MDGA1: variants seen among roughly 807,000 people sequenced by gnomAD.
MDGA1 encodes MAM domain containing glycosylphosphatidylinositol anchor 1, also known as MAM domain-containing glycosylphosphatidylinositol anchor protein 1.
In MDGA1, 54 loss-of-function variants were observed where a neutral mutation model predicts 101.5. The ratio of observed to expected loss-of-function variants is 0.53; its 90% CI spans 0.43 to 0.67. MDGA1 has a LOEUF of 0.67. Ranked by LOEUF, MDGA1 falls within the 30% of genes least tolerant of loss-of-function variation. The pLI is 0.00. For synonymous variants in MDGA1, 533 were observed against 558.3 expected (o/e 0.95, Z 0.64); for missense variants, 1,083 against 1,323.8 (o/e 0.82, Z 2.82).
rs1000879669 is a variant in MDGA1 at position 37,634,655 on chromosome 6, G to T, written c.*2713C>A. 6.6e-6 allele frequency: 1 copy of T among 152,638 alleles called. No homozygotes were observed. The highest frequency in any genetic ancestry group is 2.4e-5 in the African/African-American group (1 of 41,356). The allele number at this position is 152,638 out of a possible 1,614,324, so 9.5% of individuals were successfully genotyped here. On this transcript the variant is annotated 3_prime_UTR_variant, in exon 17 of 17. Coordinates refer to ENST00000434837, the MANE Select transcript of MDGA1 (RefSeq NM_153487.4). This position sits in a 1 kb window ranked among gnomAD's most constrained non-coding sequence, Gnocchi z 4.7. Reference sequence around the variant, plus strand: ...CCACATCAGCCTCACCCATTCACACGTGGGGACCTCAGCATTTCAGCAGAC... The same window carrying T: ...CCACATCAGCCTCACCCATTCACACTTGGGGACCTCAGCATTTCAGCAGAC...
At position 37,655,745 on chromosome 6, in the gene MDGA1, G is replaced by A; in HGVS notation, c.534C>T (p.His178=). Residue 178 remains histidine (H), a synonymous_variant, in exon 4 of 17, where the codon CAC becomes CAT. Coordinates refer to ENST00000434837, the MANE Select transcript of MDGA1 (RefSeq NM_153487.4). The surrounding 1 kb of genome is among the most constrained non-coding windows in gnomAD (Gnocchi z 5.1). The part of the protein sequence containing the change: ...IWKRGSDTLS[H]SQDNGVDIYE... ...AGATGTCAACCCCATTGTCCTGGCT[G>A]TGGGATAGGGTATCGGAACCCCGCT... The A allele has an allele frequency of 6.2e-7, 1 of 1,613,222 alleles. No homozygotes were observed. Among genetic ancestry groups the A allele is most frequent in the Non-Finnish European group, 8.5e-7 (1 of 1,179,566 alleles).
At chr6:37,649,411 T>A in intron 8 of MDGA1, 145 bp from the exon 9 acceptor site, 2 of 1,347,698 alleles carry the variant, frequency 1.5e-6, no homozygotes, top group East Asian at 2.9e-5. Flanking sequence ...TCGCAACACA[T>A]CCCTCCAATG....
chr6:37,648,977 C>G lies in MDGA1; in HGVS notation c.1894+5G>C, dbSNP rs1761285831. Reference sequence around the variant, plus strand: ...TAGGTGGGGCGGGACCCACTGGACGCTCACCGGAGACCTGGAAGAGGCAGG... The same window carrying G: ...TAGGTGGGGCGGGACCCACTGGACGGTCACCGGAGACCTGGAAGAGGCAGG... On this transcript the variant is annotated splice_donor_5th_base_variant and intron_variant, in intron 9 of 16. Transcript: ENST00000434837. 1 of 1,551,598 alleles carries G rather than the reference C, an allele frequency of 6.4e-7. No individual in the cohort carries two copies. The highest frequency in any genetic ancestry group is 8.7e-7 in the Non-Finnish European group (1 of 1,149,192).
Position 37,696,250 on chromosome 6 carries a change from C to A in MDGA1, c.67+495G>T, listed in dbSNP as rs1238866156. Among the ~76,000 whole-genome samples, 1 of 152,196 alleles carries A rather than the reference C, an allele frequency of 6.6e-6. No individual in the cohort carries two copies. The highest frequency in any genetic ancestry group is 1.5e-5 in the Non-Finnish European group (1 of 68,026). On this transcript the variant is annotated intron_variant, in intron 1 of 16. Transcript: ENST00000434837. The surrounding 1 kb of genome is among the most constrained non-coding windows in gnomAD (Gnocchi z 5.6). ...CGGCATCCTGATCAGGGTGTCAAGC[C>A]CTGAGTAGAAGAAGCGAAGCCGCAG...
intron 8 of MDGA1, 106 bp from the exon 9 acceptor site, chr6:37,649,372 C>T: frequency 7.2e-7 from 1 of 1,387,268 alleles, no homozygotes; most frequent in Non-Finnish European, 9.3e-7. Context: ...TGAGCCCCCG[C>T]CAGGAAAAAT....
chr6:37,681,076 C>T, intron 1 of MDGA1, among the ~76,000 whole-genome samples: 1 of 152,114 alleles, frequency 6.6e-6, no homozygotes, highest in Non-Finnish European at 1.5e-5. Flanking sequence ...GGGTCTGGGC[C>T]CAGCTCTGGC....
intron 7 of MDGA1, among the ~76,000 whole-genome samples, chr6:37,651,119 A>G (rs954537625): frequency 2.0e-5 from 3 of 152,246 alleles, no homozygotes; most frequent in African/African-American, 4.8e-5. Context: ...GACTTGGTGG[A>G]GCAGAGCCCC....
At chr6:37,654,200 C>T in intron 6 of MDGA1, 74 bp downstream of exon 6, 1 of 1,453,994 alleles carries the variant, frequency 6.9e-7, no homozygotes, top group Non-Finnish European at 9.1e-7. Flanking sequence ...TTTCCTAGTT[C>T]ATTGGTAGCT....
At position 37,635,231 on chromosome 6, in the gene MDGA1, A is replaced by G; in HGVS notation, c.*2137T>C. ...GTGGTTCTATTCTGCAGGCAAGGCC[A>G]GGAACCACTGATTACAGAATCCATT... is the stretch of plus-strand genomic sequence containing the variant. On this transcript the variant is annotated 3_prime_UTR_variant, in exon 17 of 17. Coordinates refer to ENST00000434837, the MANE Select transcript of MDGA1 (RefSeq NM_153487.4). 1 of 385,430 alleles carries G rather than the reference A, an allele frequency of 2.6e-6. No homozygotes were observed. The highest frequency in any genetic ancestry group is 4.5e-5 in the Admixed American group (1 of 22,280). 23.9% of individuals were successfully genotyped at this position (385,430 alleles called of 1,614,324 possible).
At position 37,649,174 on chromosome 6, in the gene MDGA1, G is replaced by A; in HGVS notation, c.1702C>T (p.Gln568Ter). Reference sequence around the variant, plus strand: ...CGCCACACAGCCGAGGCGATGCGCTGGGGGCTGCCTCGCAGCAGCGAGCAG... The same window carrying A: ...CGCCACACAGCCGAGGCGATGCGCTAGGGGCTGCCTCGCAGCAGCGAGCAG... ...LRCSLLRGSP[Q>*]RIASAVWRFK... is the part of the protein sequence containing the mutation. The change falls in exon 9 of 17, where the codon CAG (glutamine) becomes TAG (stop). Residue 568 changes from glutamine to a stop codon, truncating the protein, a stop_gained. Coordinates refer to ENST00000434837, the MANE Select transcript of MDGA1 (RefSeq NM_153487.4). LOFTEE classifies it high-confidence loss of function. The A allele has an allele frequency of 6.7e-7, 1 of 1,499,276 alleles. No individual in the cohort carries two copies. The highest frequency in any genetic ancestry group is 8.8e-7 in the Non-Finnish European group (1 of 1,132,494). 92.9% of individuals were successfully genotyped at this position (1,499,276 alleles called of 1,614,324 possible).
chr6:37,680,254 T>C (rs540610054), intron 1 of MDGA1, among the ~76,000 whole-genome samples: 58 of 152,270 alleles, frequency 3.8e-4, no homozygotes, highest in African/African-American at 1.2e-3. Flanking sequence ...ACCACCTCTG[T>C]GGAGGCCTGT....
chr6:37,665,191 C>T (rs1345262763), intron 1 of MDGA1, among the ~76,000 whole-genome samples: 1 of 152,110 alleles, frequency 6.6e-6, no homozygotes, highest in Non-Finnish European at 1.5e-5. Flanking sequence ...GTCCTAAAGG[C>T]AAACCAGGTC....
At position 37,637,235 on chromosome 6, in the gene MDGA1, C is replaced by T; in HGVS notation, c.*133G>A. On this transcript the variant is annotated 3_prime_UTR_variant, in exon 17 of 17. Coordinates refer to ENST00000434837, the MANE Select transcript of MDGA1 (RefSeq NM_153487.4). ...CCTTGTTCTCTGCTCATCCTTGCAGCCAATGCAGGCCCCCTCCCTGGCGGG... is the reference window on the plus strand; with the variant it reads ...CCTTGTTCTCTGCTCATCCTTGCAGTCAATGCAGGCCCCCTCCCTGGCGGG... 3.0e-6 allele frequency: 2 copies of T among 656,436 alleles called. No homozygotes were observed. Among genetic ancestry groups the T allele is most frequent in the Admixed American group, 5.4e-5 (2 of 37,040 alleles). The allele number at this position is 656,436 out of a possible 1,614,324, so 40.7% of individuals were successfully genotyped here. A position where few individuals can be genotyped will look rare whatever the true frequency, so the allele number is the denominator to read the frequency against.
rs1252007251 is a variant in MDGA1 at position 37,649,233 on chromosome 6, A to T, written c.1643T>A (p.Val548Glu). The change falls in exon 9 of 17, where the codon GTG (valine) becomes GAG (glutamate). Residue 548 changes from valine to glutamate, a missense_variant. By Grantham distance (121) the Val-to-Glu change is moderately radical. Coordinates refer to ENST00000434837, the MANE Select transcript of MDGA1 (RefSeq NM_153487.4). ...CACGGGCCGGCCCAGCGCCTGGCGC[A>T]CGTCCTGGGAACTGGGCTCCACCTC... ...PPEVEPSSQDVRQALGRPVLL... is the reference protein window; with the variant it reads ...PPEVEPSSQDERQALGRPVLL... 1 of 1,508,268 alleles carries T rather than the reference A, an allele frequency of 6.6e-7. No homozygotes were observed. The highest frequency in any genetic ancestry group is 8.8e-7 in the Non-Finnish European group (1 of 1,136,518). 93.4% of individuals were successfully genotyped at this position (1,508,268 alleles called of 1,614,324 possible).
chr6:37,682,792 T>C (rs1172408019), intron 1 of MDGA1, among the ~76,000 whole-genome samples: 1 of 152,084 alleles, frequency 6.6e-6, no homozygotes, highest in Non-Finnish European at 1.5e-5. Context: ...AAATACTGAA[T>C]TAGTTAATTA....
chr6:37,668,146 G>A (rs1761795126), intron 1 of MDGA1, among the ~76,000 whole-genome samples: 1 of 151,906 alleles, frequency 6.6e-6, no homozygotes, highest in Admixed American at 6.6e-5. Context: ...AGCTATTCAG[G>A]AGGCTGAGGC....
In MDGA1 at chr6:37,680,710, T is replaced by C. The variant is rs958463524; in HGVS notation, c.67+16035A>G. ...GGCTCTCCACACTGCACCAGCGCTTTTCAAAGGTGCCAACTCCCCTCTGGG... is the reference window on the plus strand; with the variant it reads ...GGCTCTCCACACTGCACCAGCGCTTCTCAAAGGTGCCAACTCCCCTCTGGG... On this transcript the variant is annotated intron_variant, in intron 1 of 16. Transcript: ENST00000434837. 2.6e-5 allele frequency among the ~76,000 whole-genome samples: 4 copies of C among 152,256 alleles called. No individual in the cohort carries two copies. The East Asian group carries it at 7.7e-4, about 29-fold the overall frequency.
In MDGA1 at chr6:37,647,295, C is replaced by T. The variant is rs1225027415; in HGVS notation, c.1924G>A (p.Asp642Asn). The T allele has an allele frequency of 2.6e-6, 4 of 1,550,702 alleles. No individual in the cohort carries two copies. The highest frequency in any genetic ancestry group is 3.5e-6 in the Non-Finnish European group (4 of 1,146,764). The change falls in exon 10 of 17, where the codon GAC becomes AAC. Residue 642 changes from aspartate to asparagine, a missense_variant. By Grantham distance (23) the Asp-to-Asn change is conservative. This residue lies in a region of MDGA1 where 657 missense variants were observed against 771.4 expected (regional missense o/e 0.85). Transcript: ENST00000434837. ...AKAYSPEFYF[D>N]TPNPTRSHKL... The stretch of plus-strand genomic sequence containing the variant: ...TGGCTGCGGGTGGGGTTGGGGGTGT[C>T]GAAGTAAAACTCCGGGCTGTAGGCT...
In MDGA1 at chr6:37,696,745, C is replaced by A. The variant is rs866935655; in HGVS notation, c.67G>T (p.Ala23Ser). The A allele has an allele frequency of 6.3e-7, 1 of 1,580,370 alleles. No homozygotes were observed. The highest frequency in any genetic ancestry group is 8.6e-7 in the Non-Finnish European group (1 of 1,162,418). Residue 23 changes from alanine to serine, a missense_variant and splice_region_variant, in exon 1 of 17, where the codon GCT becomes TCT. Ala to Ser is a moderately conservative substitution (Grantham distance 99, BLOSUM62 1). Transcript: ENST00000434837. The surrounding 1 kb of genome is among the most constrained non-coding windows in gnomAD (Gnocchi z 5.6). The stretch of plus-strand genomic sequence containing the variant: ...GGTGGAGCGGGACGCGGGCTCTTAC[C>A]GTAGACTCCTTGTCCCCGGCAGTGG... ...PFHCRGQGVY[A>S]PAQAQIVHAG...
Sources: allele counts gnomAD v4.1 joint callset (sites outside exome capture counted in the v4.1 genomes callset), GRCh38; gene constraint gnomAD v4.1.1; regional missense constraint gnomAD v4.1.1; non-coding constraint Gnocchi (gnomAD v3.1); transcripts MANE v1.5; gene names NCBI Gene and HGNC (gene_info 2026-07-23, HGNC 2026-07-21).